The following SLC15A2 variants were observed in gnomAD, a reference collection of about 807,000 sequenced individuals.
The protein encoded by SLC15A2 is kidney H(+)/peptide cotransporter.
In SLC15A2, 77 loss-of-function variants were observed where a neutral mutation model predicts 95.5. The observed-to-expected ratio is 0.81, with a 90% CI of 0.67 to 0.97. SLC15A2 has a LOEUF of 0.97. Among genes scored for constraint, SLC15A2 ranks in the 50% least tolerant of loss-of-function variants. The pLI is 0.00. For missense variants in SLC15A2, 893 were observed against 874.4 expected (o/e 1.02, Z -0.27); for synonymous variants, 306 against 306.9 (o/e 1.00, Z 0.03).
intron 7 of SLC15A2, among the ~76,000 whole-genome samples, chr3:121,918,477 A>G (rs1290051499): frequency 3.3e-5 from 5 of 152,196 alleles, no homozygotes; most frequent in Non-Finnish European, 5.9e-5. Context: ...TGTTTGCACT[A>G]TAGATATAGA....
rs1257494087 is a variant in SLC15A2, at chr3:121,931,709, G to A, written c.1735G>A (p.Ala579Thr). ...GAATTTGGGTCTTCTAGACTTTGGT[G>A]CAGCATATCTGTTTGTTATTACTAA... ...SLNLGLLDFG[A>T]AYLFVITNNT... Residue 579 changes from alanine to threonine, a missense_variant, in exon 19 of 22, where the codon GCA becomes ACA. Transcript: ENST00000489711. 4.3e-6 allele frequency: 7 copies of A among 1,612,240 alleles called. No homozygotes were observed. The highest frequency in any genetic ancestry group is 5.9e-6 in the Non-Finnish European group (7 of 1,178,362).
At chr3:121,899,656 C>T (rs1310272984) in intron 3 of SLC15A2, among the ~76,000 whole-genome samples, 1 of 152,022 alleles carries the variant, frequency 6.6e-6, no homozygotes, top group Non-Finnish European at 1.5e-5. Context: ...TGATTTGACC[C>T]AATTTAATTC....
At chr3:121,916,930 C>T (rs1709905759) in intron 7 of SLC15A2, among the ~76,000 whole-genome samples, 1 of 152,106 alleles carries the variant, frequency 6.6e-6, no homozygotes, top group Non-Finnish European at 1.5e-5. Context: ...ACGCCATTCT[C>T]CTGCCTCAGC....
intron 19 of SLC15A2, among the ~76,000 whole-genome samples, chr3:121,936,451 G>A (rs1163071543): frequency 1.3e-5 from 2 of 152,092 alleles, no homozygotes; most frequent in Admixed American, 6.5e-5. Flanking sequence ...GGGTGCTCCT[G>A]TATTGGGTGC....
rs776570546 is a variant in SLC15A2, at chr3:121,911,613, T to G, written c.375T>G (p.His125Gln). 2 of 1,614,116 alleles carry G rather than the reference T, an allele frequency of 1.2e-6. No individual in the cohort carries two copies. The highest frequency in any genetic ancestry group is 2.2e-5 in the South Asian group (2 of 91,084). The change falls in exon 4 of 22, where the codon CAT becomes CAG. Residue 125 changes from histidine (H) to glutamine (Q), a missense_variant. His to Gln is a conservative substitution (Grantham distance 24). Coordinates refer to ENST00000489711, the MANE Select transcript of SLC15A2 (RefSeq NM_021082.4). ...TCTCCTTGGTGTATGTGCTTGGCCA[T>G]GTGATCAAGTCCTTGGGTGCCTTAC... The part of the protein sequence containing the change: ...IYLSLVYVLG[H>Q]VIKSLGALPI...
chr3:121,921,958 C>A (rs1710013684), intron 7 of SLC15A2, among the ~76,000 whole-genome samples: 1 of 152,306 alleles, frequency 6.6e-6, no homozygotes, highest in Non-Finnish European at 1.5e-5. Context: ...TAACAACATA[C>A]CATTTTGTCT....
chr3:121,923,746 C>T (rs1318066443), intron 11 of SLC15A2, among the ~76,000 whole-genome samples: 1 of 152,118 alleles, frequency 6.6e-6, no homozygotes, highest in Non-Finnish European at 1.5e-5. Context: ...ATTCTTTAGC[C>T]CACTCAAATA....
intron 19 of SLC15A2, among the ~76,000 whole-genome samples, chr3:121,933,726 G>C (rs910892451): frequency 5.9e-5 from 9 of 152,076 alleles, no homozygotes; most frequent in African/African-American, 9.7e-5. Context: ...TATTCACTCT[G>C]ATGGTAGTTT....
chr3:121,911,487 AC>A, intron 3 of SLC15A2, 86 bp from the exon 4 acceptor site: 1 of 847,176 alleles, frequency 1.2e-6, no homozygotes, highest in Non-Finnish European at 2.0e-6. Flanking sequence ...ATTTATCCCC[AC>A]ACTGAGAACA....
intron 14 of SLC15A2, 35 bp downstream of exon 14, chr3:121,927,874 G>C: frequency 3.4e-6 from 5 of 1,470,742 alleles, no homozygotes; most frequent in Middle Eastern, 1.7e-4. Flanking sequence ...TATGAGGGCA[G>C]GATCATATCT....
At chr3:121,935,627 T>C (rs1178097865) in intron 19 of SLC15A2, among the ~76,000 whole-genome samples, 1 of 152,006 alleles carries the variant, frequency 6.6e-6, no homozygotes, top group Non-Finnish European at 1.5e-5. Flanking sequence ...TTATCATTTT[T>C]TATTGCGTCT....
intron 19 of SLC15A2, among the ~76,000 whole-genome samples, chr3:121,936,491 G>A (rs1710349768): frequency 6.6e-6 from 1 of 151,842 alleles, no homozygotes; most frequent in Non-Finnish European, 1.5e-5. Context: ...AGCTCTTCTT[G>A]TTGAATTGAT....
At chr3:121,931,965 T>A (rs1407968537) in intron 19 of SLC15A2, among the ~76,000 whole-genome samples, 5 of 152,214 alleles carry the variant, frequency 3.3e-5, no homozygotes, top group East Asian at 3.8e-4. Context: ...TGTGGCACCA[T>A]CTCGACTCAC....
intron 1 of SLC15A2, 131 bp from the exon 2 acceptor site, chr3:121,896,275 G>T: frequency 1.4e-6 from 1 of 710,192 alleles, no homozygotes; most frequent in Non-Finnish European, 2.5e-6. Flanking sequence ...GTGTCATGAA[G>T]AGTAGAGACC....
rs921984233 is a variant in SLC15A2 at position 121,943,482 on chromosome 3, A to C, written c.*2475A>C. On this transcript the variant is annotated 3_prime_UTR_variant, in exon 22 of 22. Coordinates refer to ENST00000489711, the MANE Select transcript of SLC15A2 (RefSeq NM_021082.4). ...CTTTATCTGAAATACAGCAATTAAT[A>C]TTAAGATATCTTAATATGAAGTGCC... 6.6e-6 allele frequency: 1 copy of C among 152,196 alleles called. No homozygotes were observed. Among genetic ancestry groups the C allele is most frequent in the African/African-American group, 2.4e-5 (1 of 41,452 alleles). The allele number at this position is 152,196 out of a possible 1,614,324, so 9.4% of individuals were successfully genotyped here.
chr3:121,911,456 C>T, intron 3 of SLC15A2, 118 bp from the exon 4 acceptor site: 1 of 650,706 alleles, frequency 1.5e-6, no homozygotes. Context: ...ATTCTTTCCT[C>T]CTCCCTCCTC....
At chr3:121,940,765 A>G in intron 21 of SLC15A2, 66 bp from the exon 22 acceptor site, 2 of 1,521,486 alleles carry the variant, frequency 1.3e-6, no homozygotes, top group Non-Finnish European at 1.8e-6. Context: ...CCCACTCCTC[A>G]TCCTGTAAAG....
Position 121,940,429 on chromosome 3 carries a change from A to G in SLC15A2, c.1954A>G (p.Thr652Ala), listed in dbSNP as rs760188635. 4.3e-6 allele frequency: 7 copies of G among 1,613,928 alleles called. No homozygotes were observed. The highest frequency in any genetic ancestry group is 5.1e-6 in the Non-Finnish European group (6 of 1,179,972). ...TGTGCTCCAGGCAGCTTGGCTATTGACAATTGCAGTTGGGAATATCATCGT... is the reference window on the plus strand; with the variant it reads ...TGTGCTCCAGGCAGCTTGGCTATTGGCAATTGCAGTTGGGAATATCATCGT... ...KSVLQAAWLL[T>A]IAVGNIIVLV... is the part of the protein sequence containing the mutation. The change falls in exon 21 of 22, where the codon ACA becomes GCA. Residue 652 changes from threonine (T) to alanine (A), a missense_variant. Coordinates refer to ENST00000489711, the MANE Select transcript of SLC15A2 (RefSeq NM_021082.4).
At position 121,939,355 on chromosome 3, in the gene SLC15A2, A is replaced by T; in HGVS notation, c.1768A>T (p.Asn590Tyr). Residue 590 changes from asparagine to tyrosine, a missense_variant, in exon 20 of 22, where the codon AAT becomes TAT. Asn to Tyr is a moderately radical substitution (Grantham distance 143, BLOSUM62 -2). Transcript: ENST00000489711. ...CATTTTCTCTTTCCCTAAGAACACC[A>T]ATCAGGGTCTTCAGGCCTGGAAGAT... ...AYLFVITNNT[N>Y]QGLQAWKIED... 6.5e-7 allele frequency: 1 copy of T among 1,530,414 alleles called. No homozygotes were observed. The highest frequency in any genetic ancestry group is 8.8e-7 in the Non-Finnish European group (1 of 1,141,724). 94.8% of individuals were successfully genotyped at this position (1,530,414 alleles called of 1,614,324 possible). A position where few individuals can be genotyped will look rare whatever the true frequency, so the allele number is the denominator to read the frequency against.
Sources: allele counts gnomAD v4.1 joint callset (sites outside exome capture counted in the v4.1 genomes callset), GRCh38; gene constraint gnomAD v4.1.1; transcripts MANE v1.5; gene names NCBI Gene and HGNC (gene_info 2026-07-23, HGNC 2026-07-21).